KATNIP: variants seen among roughly 807,000 people sequenced by gnomAD.
KATNIP encodes the protein katanin interacting protein.
KATNIP carries 126 observed loss-of-function variants against 174.0 expected under a neutral mutation model. The ratio of observed to expected loss-of-function variants is 0.72; its 90% CI spans 0.63 to 0.84. The LOEUF (loss-of-function observed/expected upper bound fraction) is 0.84. Among genes scored for constraint, KATNIP ranks in the 40% least tolerant of loss-of-function variants. The probability of loss-of-function intolerance (pLI) is 0.00; values close to 1 mark genes in which losing one functional copy is unlikely to be tolerated. For missense variants in KATNIP, 1,958 were observed against 2,109.7 expected (o/e 0.93, Z 1.41); for synonymous variants, 810 against 835.7 (o/e 0.97, Z 0.53).
At chr16:27,663,698 A>G (rs1362522120) in intron 6 of KATNIP, among the ~76,000 whole-genome samples, 1 of 151,060 alleles carries the variant, frequency 6.6e-6, no homozygotes, top group Non-Finnish European at 1.5e-5. Context: ...ACCTCAGGTG[A>G]TCCGCCTGCC....
At chr16:27,751,585 A>G in intron 16 of KATNIP, 134 bp from the exon 17 acceptor site, 1 of 727,364 alleles carries the variant, frequency 1.4e-6, no homozygotes, top group Non-Finnish European at 2.3e-6. Context: ...AAGACTAATA[A>G]GGCTCACACT....
chr16:27,610,039 T>TG (rs765114726), intron 2 of KATNIP, among the ~76,000 whole-genome samples: 3 of 151,564 alleles, frequency 2.0e-5, no homozygotes, highest in Non-Finnish European at 2.9e-5. Flanking sequence ...AGTGGGGTAG[T>TG]GGGAGGTGGC....
intron 5 of KATNIP, among the ~76,000 whole-genome samples, chr16:27,635,502 G>A (rs935686921): frequency 3.3e-5 from 5 of 152,078 alleles, no homozygotes; most frequent in Non-Finnish European, 7.4e-5. Flanking sequence ...ATTCAAAAGT[G>A]GTGAATGAAC....
chr16:27,590,359 G>C lies in KATNIP; in HGVS notation c.63+16403G>C, dbSNP rs1167819134. On this transcript the variant is annotated intron_variant, in intron 2 of 27. Transcript: ENST00000261588. ...TTCTTTCTTTTTTTTTTTATTTATA[G>C]AGAAGGTGTCTCACATGTTGCCCAG... Among the ~76,000 whole-genome samples the C allele has an allele frequency of 1.3e-5, 2 of 148,956 alleles. 1 individual carries two copies. Among genetic ancestry groups the C allele is most frequent in the Non-Finnish European group, 3.0e-5 (2 of 67,518 alleles).
intron 13 of KATNIP, among the ~76,000 whole-genome samples, chr16:27,712,146 G>A (rs757198471): frequency 3.9e-5 from 6 of 152,212 alleles, no homozygotes; most frequent in Non-Finnish European, 7.3e-5. Flanking sequence ...GGGGCGCTTT[G>A]CCATGTGATG....
At chr16:27,710,311 C>T (rs944561327) in intron 13 of KATNIP, among the ~76,000 whole-genome samples, 1 of 152,102 alleles carries the variant, frequency 6.6e-6, no homozygotes, top group Admixed American at 6.5e-5. Flanking sequence ...GAGCCAAGAT[C>T]GTGCCACTAC....
chr16:27,717,634 T>C (rs564999779), intron 13 of KATNIP, among the ~76,000 whole-genome samples: 1 of 152,230 alleles, frequency 6.6e-6, no homozygotes, highest in South Asian at 2.1e-4. Context: ...CTGTACAGTG[T>C]TTGTTGGGCA....
intron 2 of KATNIP, among the ~76,000 whole-genome samples, chr16:27,600,264 A>G (rs146575015): frequency 6.6e-5 from 10 of 152,346 alleles, no homozygotes; most frequent in Middle Eastern, 6.8e-3. Context: ...AGGGTCAGAG[A>G]GAATGAGCAT....
At chr16:27,719,519 C>T (rs1031760113) in intron 13 of KATNIP, among the ~76,000 whole-genome samples, 6 of 151,190 alleles carry the variant, frequency 4.0e-5, no homozygotes, top group South Asian at 4.2e-4. Context: ...ATTAGAGGCC[C>T]GCCACCATGC....
intron 6 of KATNIP, among the ~76,000 whole-genome samples, chr16:27,673,788 C>T (rs556881820): frequency 1.3e-5 from 2 of 152,286 alleles, no homozygotes; most frequent in South Asian, 4.1e-4. Context: ...ATTTGTTCAT[C>T]TATTTTTATG....
chr16:27,630,371 C>G (rs961936687), intron 4 of KATNIP, among the ~76,000 whole-genome samples: 2 of 152,194 alleles, frequency 1.3e-5, no homozygotes, highest in Non-Finnish European at 2.9e-5. Context: ...AATCTATGGC[C>G]TCACAGACAT....
intron 7 of KATNIP, among the ~76,000 whole-genome samples, chr16:27,680,692 T>C (rs761528445): frequency 1.3e-5 from 2 of 151,584 alleles, no homozygotes; most frequent in Non-Finnish European, 2.9e-5. Context: ...CTGGCTTTTT[T>C]TGCAGAGGGA....
intron 20 of KATNIP, among the ~76,000 whole-genome samples, chr16:27,767,864 C>T (rs1158328953): frequency 2.0e-5 from 3 of 152,180 alleles, no homozygotes; most frequent in Non-Finnish European, 4.4e-5. Context: ...TCTATGAACG[C>T]TCCCCTGGGT....
At chr16:27,710,774 C>T (rs1394169437) in intron 13 of KATNIP, among the ~76,000 whole-genome samples, 1 of 152,164 alleles carries the variant, frequency 6.6e-6, no homozygotes, top group Non-Finnish European at 1.5e-5. Flanking sequence ...GCTGGAATTA[C>T]GGGCATAAGC....
chr16:27,659,707 T>G (rs2077409362), intron 6 of KATNIP, among the ~76,000 whole-genome samples: 2 of 152,114 alleles, frequency 1.3e-5, no homozygotes, highest in Non-Finnish European at 2.9e-5. Context: ...AGGAGAGGCT[T>G]TCTGATTAGG....
intron 13 of KATNIP, among the ~76,000 whole-genome samples, chr16:27,716,989 C>T (rs543700240): frequency 3.9e-5 from 6 of 152,082 alleles, no homozygotes; most frequent in Admixed American, 6.5e-5. Context: ...GGACTACGGG[C>T]GGCGCCACCA....
chr16:27,655,893 T>C (rs909569710), intron 6 of KATNIP, among the ~76,000 whole-genome samples: 1 of 152,166 alleles, frequency 6.6e-6, no homozygotes, highest in South Asian at 2.1e-4. Context: ...CTGTTGTGAA[T>C]ATTATTGATG....
rs748620861 is a variant in KATNIP, at chr16:27,677,728, G to A, written c.541-1G>A. 3 of 1,598,304 alleles carry A rather than the reference G, an allele frequency of 1.9e-6. No homozygotes were observed. The highest frequency in any genetic ancestry group is 2.6e-6 in the Non-Finnish European group (3 of 1,167,700). The stretch of plus-strand genomic sequence containing the variant: ...TCATCTCTCTTCTGGGCTTTTTGCA[G>A]GAGCTGAGAAGAAGCCTGGAACTTA... On this transcript the variant is annotated splice_acceptor_variant, in intron 6 of 27. Coordinates refer to ENST00000261588, the MANE Select transcript of KATNIP (RefSeq NM_015202.5). LOFTEE classifies it high-confidence loss of function.
intron 6 of KATNIP, among the ~76,000 whole-genome samples, chr16:27,652,117 T>G (rs570636247): frequency 6.6e-6 from 1 of 152,322 alleles, no homozygotes; most frequent in South Asian, 2.1e-4. Context: ...CCATCCTGGG[T>G]ACCATTCCGG....
Sources: allele counts gnomAD v4.1 joint callset (sites outside exome capture counted in the v4.1 genomes callset), GRCh38; gene constraint gnomAD v4.1.1; transcripts MANE v1.5; gene names NCBI Gene and HGNC (gene_info 2026-07-23, HGNC 2026-07-21).